The following CACNA2D3 variants were observed in gnomAD, a reference collection of about 807,000 sequenced individuals.
The protein encoded by CACNA2D3 is voltage-dependent calcium channel subunit alpha-2/delta-3.
Under a neutral mutation model 160.6 loss-of-function variants are expected in CACNA2D3, and 60 were observed. The ratio of observed to expected loss-of-function variants is 0.37; its 90% CI spans 0.30 to 0.46. CACNA2D3 has a LOEUF of 0.46. Among genes scored for constraint, CACNA2D3 ranks in the 20% least tolerant of loss-of-function variants. The probability of loss-of-function intolerance (pLI) is 1.00; values close to 1 mark genes in which losing one functional copy is unlikely to be tolerated. For missense variants in CACNA2D3, 1,205 were observed against 1,365.0 expected (o/e 0.88, Z 1.85); for synonymous variants, 558 against 492.9 (o/e 1.13, Z -1.75).
chr3:54,675,000 G>A (rs947728517), intron 11 of CACNA2D3, among the ~76,000 whole-genome samples: 10 of 152,260 alleles, frequency 6.6e-5, no homozygotes, highest in African/African-American at 2.4e-4. Flanking sequence ...CAATGCTGAA[G>A]TATTCATGAG....
intron 2 of CACNA2D3, among the ~76,000 whole-genome samples, chr3:54,140,297 T>C (rs1992966): frequency 0.78 from 119,072 of 152,168 alleles, 46,934 homozygotes; most frequent in East Asian, 0.96. Context: ...AAACAAATAC[T>C]GGATGCAGTG....
At chr3:54,617,533 C>T (rs1289820995) in intron 9 of CACNA2D3, among the ~76,000 whole-genome samples, 2 of 152,172 alleles carry the variant, frequency 1.3e-5, no homozygotes, top group Non-Finnish European at 2.9e-5. Context: ...GGGGACTTTT[C>T]TGATAGCAAT....
chr3:54,598,307 C>CAAAAAAAAAAAAA (rs10656534), intron 9 of CACNA2D3, among the ~76,000 whole-genome samples: 30 of 49,798 alleles, frequency 6.0e-4, no homozygotes, highest in Non-Finnish European at 8.8e-4. Context: ...CTCCGTCTCA[C>CAAAAAAAAAAAAA]AAAAAAAAAA....
chr3:54,762,108 C>G (rs1702090903), intron 12 of CACNA2D3, among the ~76,000 whole-genome samples: 1 of 152,064 alleles, frequency 6.6e-6, no homozygotes, highest in Non-Finnish European at 1.5e-5. Context: ...CTGTGTCCAT[C>G]CCCTGCTTGA....
intron 5 of CACNA2D3, among the ~76,000 whole-genome samples, chr3:54,537,631 G>A (rs1701909632): frequency 6.6e-6 from 1 of 152,126 alleles, no homozygotes; most frequent in African/African-American, 2.4e-5. Flanking sequence ...ACAGTGGGAA[G>A]AAGACATGGG....
At chr3:54,614,002 T>A (rs1698797799) in intron 9 of CACNA2D3, among the ~76,000 whole-genome samples, 1 of 152,194 alleles carries the variant, frequency 6.6e-6, no homozygotes, top group Non-Finnish European at 1.5e-5. Context: ...TTGATTGAGA[T>A]CTCTCTCCAC....
intron 29 of CACNA2D3, among the ~76,000 whole-genome samples, chr3:54,974,346 A>T (rs1405366648): frequency 6.6e-6 from 1 of 152,218 alleles, no homozygotes; most frequent in South Asian, 2.1e-4. Flanking sequence ...AGTTGGTGCT[A>T]TCTCCATCTT....
intron 25 of CACNA2D3, among the ~76,000 whole-genome samples, chr3:54,896,281 T>G (rs1700186813): frequency 6.6e-6 from 1 of 152,160 alleles, no homozygotes; most frequent in Admixed American, 6.5e-5. Flanking sequence ...TGGGCTCACA[T>G]TTACTTCCTT....
At chr3:54,696,857 A>G (rs116832906) in intron 11 of CACNA2D3, among the ~76,000 whole-genome samples, 2 of 152,352 alleles carry the variant, frequency 1.3e-5, no homozygotes, top group Non-Finnish European at 2.9e-5. Context: ...GACTCTTACA[A>G]GTCCAAGAGT....
intron 35 of CACNA2D3, among the ~76,000 whole-genome samples, chr3:55,061,811 A>G (rs1704514631): frequency 6.6e-6 from 1 of 152,184 alleles, no homozygotes. Flanking sequence ...AATTGTACCA[A>G]TCCGCTTAGG....
chr3:54,671,163 T>G (rs1376602911), intron 11 of CACNA2D3, among the ~76,000 whole-genome samples: 2 of 151,778 alleles, frequency 1.3e-5, no homozygotes, highest in Non-Finnish European at 1.5e-5. Flanking sequence ...TCCTCCATTT[T>G]GGAAGTTAAC....
chr3:54,763,883 A>ACATATATACG (rs1702165002), intron 12 of CACNA2D3, among the ~76,000 whole-genome samples: 1 of 16,358 alleles, frequency 6.1e-5, no homozygotes, highest in African/African-American at 2.4e-4. Flanking sequence ...ATATATATGT[A>ACATATATACG]TATATATGTA....
At chr3:54,597,733 G>A (rs566793881) in intron 9 of CACNA2D3, among the ~76,000 whole-genome samples, 2 of 152,214 alleles carry the variant, frequency 1.3e-5, no homozygotes, top group African/African-American at 4.8e-5. Context: ...CCTAGATCCC[G>A]AGTTGTCTAG....
At chr3:54,857,018 C>A (rs571292546) in intron 17 of CACNA2D3, among the ~76,000 whole-genome samples, 32 of 152,242 alleles carry the variant, frequency 2.1e-4, no homozygotes, top group African/African-American at 7.2e-4. Context: ...TGAGCTCAGG[C>A]AAGCCACCTG....
chr3:54,645,535 C>A (rs563065956), intron 11 of CACNA2D3, among the ~76,000 whole-genome samples: 14 of 152,184 alleles, frequency 9.2e-5, no homozygotes, highest in Admixed American at 1.3e-4. Context: ...GGACATGACC[C>A]TCATCACCAC....
At chr3:54,776,607 C>A (rs1041866542) in intron 13 of CACNA2D3, among the ~76,000 whole-genome samples, 8 of 152,170 alleles carry the variant, frequency 5.3e-5, no homozygotes, top group African/African-American at 1.2e-4. Context: ...GGAGGAAATG[C>A]CTAGAGTCTG....
chr3:54,457,594 A>G (rs1700422146), intron 4 of CACNA2D3, among the ~76,000 whole-genome samples: 1 of 151,956 alleles, frequency 6.6e-6, no homozygotes, highest in African/African-American at 2.4e-5. Flanking sequence ...CACAGCTTAT[A>G]TTGGATTTTT....
At chr3:54,720,614 T>C (rs1412249227) in intron 11 of CACNA2D3, among the ~76,000 whole-genome samples, 2 of 152,142 alleles carry the variant, frequency 1.3e-5, no homozygotes, top group African/African-American at 2.4e-5. Context: ...TGTGATCAAA[T>C]TGACTAATTG....
intron 2 of CACNA2D3, among the ~76,000 whole-genome samples, chr3:54,217,580 C>T (rs1306612140): frequency 6.6e-6 from 1 of 152,114 alleles, no homozygotes; most frequent in Admixed American, 6.5e-5. Context: ...GAGATGCAGA[C>T]ACACAGAGAC....
Sources: gnomAD v4.1 joint callset for allele counts (sites outside exome capture counted in the v4.1 genomes callset) on GRCh38, gnomAD v4.1.1 for gene constraint, MANE v1.5 for transcripts, NCBI Gene and HGNC (gene_info 2026-07-23, HGNC 2026-07-21) for gene names.